TENM4: variants seen among roughly 807,000 people sequenced by gnomAD.
TENM4 encodes teneurin-4.
In TENM4, 82 loss-of-function variants were observed where a neutral mutation model predicts 243.3. That is an observed-to-expected ratio of 0.34 (90% CI 0.28 to 0.40). The LOEUF (loss-of-function observed/expected upper bound fraction) is 0.40, where lower values mean the gene tolerates loss of function less well. TENM4 is among the 10% of genes least tolerant of loss of function. The pLI, the probability that TENM4 is intolerant of heterozygous loss-of-function variation, is 1.00. For synonymous variants in TENM4, 1,412 were observed against 1,456.3 expected, an observed-to-expected ratio of 0.97 and a Z score of 0.69; for missense variants, 3,138 against 3,673.3, an observed-to-expected ratio of 0.85 and a Z score of 3.77.
At chr11:78,833,825 T>C (rs1404994067) in intron 12 of TENM4, among the ~76,000 whole-genome samples, 2 of 152,246 alleles carry the variant, frequency 1.3e-5, no homozygotes, top group East Asian at 1.9e-4. Context: ...AATTTGGGTA[T>C]AGAATTTTAA....
chr11:79,026,688 A>T (rs1859088838), intron 6 of TENM4, among the ~76,000 whole-genome samples: 1 of 152,234 alleles, frequency 6.6e-6, no homozygotes, highest in African/African-American at 2.4e-5. Context: ...GGGTATTATT[A>T]GTCCAGCTTC....
chr11:78,684,430 C>G (rs971064733), intron 29 of TENM4, among the ~76,000 whole-genome samples: 1 of 152,248 alleles, frequency 6.6e-6, no homozygotes, highest in Non-Finnish European at 1.5e-5. Context: ...TAAATGTTAG[C>G]TGTCACTGGT....
intron 4 of TENM4, among the ~76,000 whole-genome samples, chr11:79,070,276 C>T (rs918603674): frequency 6.6e-6 from 1 of 152,128 alleles, no homozygotes; most frequent in Non-Finnish European, 1.5e-5. Context: ...AAGCTGACAG[C>T]AAAGGCCAAA....
chr11:78,769,042 ATTT>A (rs1856597584), intron 18 of TENM4, among the ~76,000 whole-genome samples: 1 of 152,240 alleles, frequency 6.6e-6, no homozygotes, highest in Non-Finnish European at 1.5e-5. Flanking sequence ...ACATGCAGTC[ATTT>A]TGCTGCCCAG....
At chr11:78,960,430 A>T (rs935651825) in intron 6 of TENM4, among the ~76,000 whole-genome samples, 1 of 152,162 alleles carries the variant, frequency 6.6e-6, no homozygotes, top group East Asian at 1.9e-4. Flanking sequence ...CTTCATTGTC[A>T]TTTGGTGGGG....
At chr11:79,273,693 C>T (rs549437788) in intron 2 of TENM4, among the ~76,000 whole-genome samples, 27 of 152,320 alleles carry the variant, frequency 1.8e-4, no homozygotes, top group African/African-American at 5.3e-4. Context: ...CCACAAAACC[C>T]AGTTTCTAAA....
chr11:78,778,616 T>C lies in TENM4; in HGVS notation c.2378A>G (p.Asp793Gly). ...GAAGACCATACCTTTAACTACCCTA[T>C]CCAGATAGTGAGCTAGGGAGATAAA... ...GEHCTIAHYLDRVVKEGCPGL... is the reference protein window; with the variant it reads ...GEHCTIAHYLGRVVKEGCPGL... Residue 793 changes from aspartate (D) to glycine (G), a missense_variant, in exon 17 of 34, where the codon GAT becomes GGT. Transcript: ENST00000278550. 6.2e-7 allele frequency: 1 copy of C among 1,612,182 alleles called. No homozygotes were observed. The highest frequency in any genetic ancestry group is 8.5e-7 in the Non-Finnish European group (1 of 1,179,202).
chr11:79,158,776 T>A (rs1862678441), intron 3 of TENM4, among the ~76,000 whole-genome samples: 1 of 152,208 alleles, frequency 6.6e-6, no homozygotes, highest in Non-Finnish European at 1.5e-5. Flanking sequence ...CACAGGATCA[T>A]ACAGGCAGGA....
chr11:78,972,636 G>A (rs957489596), intron 6 of TENM4, among the ~76,000 whole-genome samples: 1 of 152,128 alleles, frequency 6.6e-6, no homozygotes, highest in East Asian at 1.9e-4. Flanking sequence ...TATATTTGAT[G>A]AGGACTTTCA....
At chr11:79,282,937 AT>A (rs975790493) in intron 2 of TENM4, among the ~76,000 whole-genome samples, 2 of 152,132 alleles carry the variant, frequency 1.3e-5, no homozygotes, top group Admixed American at 1.3e-4. Context: ...CCGTAAGGAA[AT>A]TTTCAGGCTT....
At chr11:79,084,755 C>T (rs552830750) in intron 4 of TENM4, among the ~76,000 whole-genome samples, 38 of 152,084 alleles carry the variant, frequency 2.5e-4, no homozygotes, top group African/African-American at 5.1e-4. Context: ...AAGAGGACTG[C>T]GAAGGAAACT....
chr11:78,928,920 C>G (rs1856610663), intron 6 of TENM4, among the ~76,000 whole-genome samples: 2 of 152,156 alleles, frequency 1.3e-5, no homozygotes, highest in African/African-American at 4.8e-5. Flanking sequence ...TGAGCCACTT[C>G]CTACAGTTTT....
At chr11:78,876,147 G>C (rs1859265140) in intron 9 of TENM4, among the ~76,000 whole-genome samples, 1 of 152,196 alleles carries the variant, frequency 6.6e-6, no homozygotes, top group Non-Finnish European at 1.5e-5. Flanking sequence ...CCACATCTGG[G>C]GCTTGCAGGG....
intron 2 of TENM4, among the ~76,000 whole-genome samples, chr11:79,284,785 T>A (rs1856219621): frequency 1.3e-5 from 2 of 151,914 alleles, no homozygotes; most frequent in African/African-American, 4.8e-5. Flanking sequence ...GGGAAAAAAA[T>A]TGCAAATCAT....
Position 78,708,508 on chromosome 11 carries a change from T to C in TENM4, c.4062A>G (p.Thr1354=), listed in dbSNP as rs757694952. Residue 1354 remains threonine (T), a synonymous_variant, in exon 27 of 34, where the codon ACA becomes ACG. Transcript: ENST00000278550. ...EATLTNPRGI[T]VDKFGLIYFV... is the part of the protein sequence containing the mutation. ...AGTAGATCAGCCCAAACTTGTCCAC[T>C]GTAATGCCTGGGGGCAGAGAAGCCA... is the stretch of plus-strand genomic sequence containing the variant. 1 of 1,613,854 alleles carries C rather than the reference T, an allele frequency of 6.2e-7. No individual in the cohort carries two copies. The highest frequency in any genetic ancestry group is 2.2e-5 in the East Asian group (1 of 44,872).
At chr11:79,359,245 G>A (rs1185671803) in intron 1 of TENM4, among the ~76,000 whole-genome samples, 1 of 152,150 alleles carries the variant, frequency 6.6e-6, no homozygotes, top group African/African-American at 2.4e-5. Context: ...CAGCCTGGGT[G>A]ATAGACTAAG....
Position 79,336,997 on chromosome 11 carries a change from AG to A in TENM4, c.-320-39455del, listed in dbSNP as rs569414037. Among the ~76,000 whole-genome samples, 30 of 152,356 alleles carry A rather than the reference AG, an allele frequency of 2.0e-4. No individual in the cohort carries two copies. In the East Asian group the frequency reaches 5.8e-3, roughly 29 times the overall value. The stretch of plus-strand genomic sequence containing the variant: ...TCCACATTCAAGGCACAGTCTCCCC[AG>A]GCCCCAGGGAAATGCAATAGCCGAG... On this transcript the variant is annotated intron_variant, in intron 1 of 33. Transcript: ENST00000278550.
intron 2 of TENM4, among the ~76,000 whole-genome samples, chr11:79,231,556 G>A (rs921773766): frequency 1.3e-5 from 2 of 152,118 alleles, no homozygotes; most frequent in Non-Finnish European, 2.9e-5. Flanking sequence ...TACATCCAGG[G>A]CATCTACTTT....
At chr11:78,882,719 C>A (rs1181350165) in intron 9 of TENM4, among the ~76,000 whole-genome samples, 1 of 152,254 alleles carries the variant, frequency 6.6e-6, no homozygotes, top group Non-Finnish European at 1.5e-5. Flanking sequence ...AACTGCATGA[C>A]CCAGGGTCTT....
Sources: gnomAD v4.1 joint callset for allele counts (sites outside exome capture counted in the v4.1 genomes callset) on GRCh38, gnomAD v4.1.1 for gene constraint, MANE v1.5 for transcripts, NCBI Gene and HGNC (gene_info 2026-07-23, HGNC 2026-07-21) for gene names.